Variants in VLDLR observed in about 807,000 individuals in gnomAD.
The protein encoded by VLDLR is very low-density lipoprotein receptor.
A neutral mutation model predicts 112.7 loss-of-function variants in VLDLR; 81 were observed. That is an observed-to-expected ratio of 0.72 (90% CI 0.60 to 0.86). VLDLR has a LOEUF of 0.86. Ranked by LOEUF, VLDLR falls within the 40% of genes least tolerant of loss-of-function variation. The probability of loss-of-function intolerance (pLI) is 0.00; values close to 1 mark genes in which losing one functional copy is unlikely to be tolerated. For missense variants in VLDLR, 1,237 were observed against 1,099.4 expected, an observed-to-expected ratio of 1.13 and a Z score of -1.77; for synonymous variants, 436 against 384.8, an observed-to-expected ratio of 1.13 and a Z score of -1.56.
intron 3 of VLDLR, among the ~76,000 whole-genome samples, chr9:2,640,460 C>T (rs897433464): frequency 2.0e-5 from 3 of 152,212 alleles, no homozygotes; most frequent in Admixed American, 2.0e-4. Context: ...CACATGTAAC[C>T]TCAAGTTACT....
rs185591534 is a variant in VLDLR at position 2,626,618 on chromosome 9, A to G, written c.82+4347A>G. On this transcript the variant is annotated intron_variant, in intron 1 of 18. Coordinates refer to ENST00000382100, the MANE Select transcript of VLDLR (RefSeq NM_003383.5). ...ATGCTTGCTTAGAGATCCTTTGCCT[A>G]CTTTGTAGTTTAGAGATGCTGGAAA... 5.9e-4 allele frequency among the ~76,000 whole-genome samples: 90 copies of G among 152,288 alleles called. 1 individual carries two copies. Among genetic ancestry groups the G allele is most frequent in the African/African-American group, 2.0e-3 (85 of 41,562 alleles).
At chr9:2,652,719 C>G in intron 17 of VLDLR, 61 bp from the exon 18 acceptor site, 1 of 1,599,290 alleles carries the variant, frequency 6.3e-7, no homozygotes, top group East Asian at 2.2e-5. Context: ...AACGTTATTA[C>G]CTTTCTTGTA....
rs2038541311 is a variant in VLDLR, at chr9:2,621,958, C to G, written c.-232C>G. ...CTGCCCGCAGGCTCGGCTTGCACTG[C>G]TGCTGCAGCCCGGGGAGGTGGCTGG... On this transcript the variant is annotated 5_prime_UTR_variant, in exon 1 of 19. Coordinates refer to ENST00000382100, the MANE Select transcript of VLDLR (RefSeq NM_003383.5). The G allele has an allele frequency of 4.5e-6, 3 of 662,146 alleles. No individual in the cohort carries two copies. The highest frequency in any genetic ancestry group is 2.7e-6 in the Non-Finnish European group (1 of 364,242). 41.0% of individuals were successfully genotyped at this position (662,146 alleles called of 1,614,324 possible). A position where few individuals can be genotyped will look rare whatever the true frequency, so the allele number is the denominator to read the frequency against.
chr9:2,635,618 G>A lies in VLDLR; in HGVS notation c.202+46G>A, dbSNP rs533413586. On this transcript the variant is annotated intron_variant, in intron 2 of 18. Coordinates refer to ENST00000382100, the MANE Select transcript of VLDLR (RefSeq NM_003383.5). ...CTTATGCATTTTGTTAAAATATGAT[G>A]TTATCTTAGTCTGCAAATGTATTGA... 92 of 1,612,794 alleles carry A rather than the reference G, an allele frequency of 5.7e-5. No homozygotes were observed. In the South Asian group the frequency reaches 9.3e-4, roughly 16 times the overall value.
chr9:2,643,945 C>A lies in VLDLR; in HGVS notation c.1052C>A (p.Pro351His). 1.2e-6 allele frequency: 2 copies of A among 1,613,934 alleles called. No homozygotes were observed. Among genetic ancestry groups the A allele is most frequent in the Non-Finnish European group, 1.7e-6 (2 of 1,180,008 alleles). The change falls in exon 7 of 19, where the codon CCC becomes CAC. Residue 351 changes from proline (P) to histidine (H), a missense_variant. By Grantham distance (77) the Pro-to-His change is moderately conservative. Transcript: ENST00000382100. ...EQDCRDWSDE[P>H]LKECHINECL... The stretch of plus-strand genomic sequence containing the variant: ...GACTGCAGGGACTGGAGTGATGAGC[C>A]CCTGAAAGAGTGTCGTAAGTGTACT...
chr9:2,622,761 C>T (rs1220595361), intron 1 of VLDLR, among the ~76,000 whole-genome samples: 18 of 152,222 alleles, frequency 1.2e-4, no homozygotes, highest in Admixed American at 3.9e-4. Flanking sequence ...CGCCAGGGGC[C>T]GGCCGGGCTT....
At chr9:2,645,818 T>C (rs1225866277) in intron 10 of VLDLR, 73 bp downstream of exon 10, 7 of 1,586,884 alleles carry the variant, frequency 4.4e-6, no homozygotes, top group East Asian at 2.2e-5. Context: ...TGGGATAGTT[T>C]GGAGGAGTTT....
intron 16 of VLDLR, among the ~76,000 whole-genome samples, 170 bp downstream of exon 16, chr9:2,651,668 A>C (rs1818349937): frequency 6.6e-6 from 1 of 152,196 alleles, no homozygotes; most frequent in Non-Finnish European, 1.5e-5. Context: ...ACTGATCTTA[A>C]AGGTTTCTAG....
In VLDLR at chr9:2,641,512, G is replaced by T. The variant is rs746871371; in HGVS notation, c.448+13G>T. ...GAAGAAAACTGTGGTAAGAAGATCAGTGTTGAGTGACGTAACCCAAAGACC... is the reference window on the plus strand; with the variant it reads ...GAAGAAAACTGTGGTAAGAAGATCATTGTTGAGTGACGTAACCCAAAGACC... On this transcript the variant is annotated intron_variant, in intron 4 of 18. Transcript: ENST00000382100. 11 of 1,614,080 alleles carry T rather than the reference G, an allele frequency of 6.8e-6. No homozygotes were observed. Among genetic ancestry groups the T allele is most frequent in the South Asian group, 6.6e-5 (6 of 91,066 alleles).
chr9:2,626,784 G>A (rs140302611), intron 1 of VLDLR, among the ~76,000 whole-genome samples: 6 of 143,482 alleles, frequency 4.2e-5, no homozygotes, highest in African/African-American at 5.3e-5. Context: ...AAGCCTCGGC[G>A]ATAGACAGCA....
intron 9 of VLDLR, among the ~76,000 whole-genome samples, chr9:2,645,340 A>T (rs902496804): frequency 6.6e-6 from 1 of 152,208 alleles, no homozygotes; most frequent in East Asian, 1.9e-4. Flanking sequence ...GTCCAACTCA[A>T]ACAAGTGACT....
At chr9:2,651,574 A>AT in intron 16 of VLDLR, 76 bp downstream of exon 16, 1 of 1,343,522 alleles carries the variant, frequency 7.4e-7, no homozygotes, top group Non-Finnish European at 1.1e-6. Flanking sequence ...TAAATAATTA[A>AT]TGCAGCCTTT....
At position 2,644,834 on chromosome 9, in the gene VLDLR, A is replaced by C; in HGVS notation, c.1167A>C (p.Ile389=). 1.2e-6 allele frequency: 2 copies of C among 1,614,198 alleles called. No homozygotes were observed. The highest frequency in any genetic ancestry group is 8.5e-7 in the Non-Finnish European group (1 of 1,180,036). Residue 389 remains isoleucine (I), a synonymous_variant, in exon 8 of 19, where the codon ATA becomes ATC. Transcript: ENST00000382100. ...ECDCAAGFEL[I]DRKTCGDIDE... ...ACTGTGCAGCTGGGTTTGAACTGAT[A>C]GATAGGAAAACCTGTGGAGGTGAGT...
chr9:2,656,967 A>T lies in VLDLR; in HGVS notation c.*3099A>T, dbSNP rs970946614. On this transcript the variant is annotated 3_prime_UTR_variant, in exon 19 of 19. Coordinates refer to ENST00000382100, the MANE Select transcript of VLDLR (RefSeq NM_003383.5). ...CAAAAAAAAAAAAAAAAAAAAAAAA[A>T]AAATTGAGGCTTTCACTTTGGCATT... 1 of 147,816 alleles carries T rather than the reference A, an allele frequency of 6.8e-6. No individual in the cohort carries two copies. The highest frequency in any genetic ancestry group is 2.6e-5 in the African/African-American group (1 of 38,690). The allele number at this position is 147,816 out of a possible 1,614,324, so 9.2% of individuals were successfully genotyped here. A position where few individuals can be genotyped will look rare whatever the true frequency, so the allele number is the denominator to read the frequency against.
rs1290029260 is a variant in VLDLR at position 2,657,973 on chromosome 9, A to T, written c.*4105A>T. 1 of 152,190 alleles carries T rather than the reference A, an allele frequency of 6.6e-6. No individual in the cohort carries two copies. Among genetic ancestry groups the T allele is most frequent in the Non-Finnish European group, 1.5e-5 (1 of 68,022 alleles). The allele number at this position is 152,190 out of a possible 1,614,324, so 9.4% of individuals were successfully genotyped here. Reference sequence around the variant, plus strand: ...TGCTTCAGCCATATCATGGGCCTAAACTATGAGAGTTCAGAAATATATAAA... The same window carrying T: ...TGCTTCAGCCATATCATGGGCCTAATCTATGAGAGTTCAGAAATATATAAA... On this transcript the variant is annotated 3_prime_UTR_variant, in exon 19 of 19. Coordinates refer to ENST00000382100, the MANE Select transcript of VLDLR (RefSeq NM_003383.5).
rs779630024 is a variant in VLDLR at position 2,643,712 on chromosome 9, A to T, written c.905A>T (p.Asp302Val). Residue 302 changes from aspartate to valine, a missense_variant, in exon 6 of 19, where the codon GAC becomes GTC. Transcript: ENST00000382100. The part of the protein sequence containing the change: ...HGSRQCNGIR[D>V]CVDGSDEVNC... ...AGCAGGCAGTGTAATGGTATCCGAG[A>T]CTGTGTCGATGGTTCCGATGAAGTC... is the stretch of plus-strand genomic sequence containing the variant. 1 of 1,614,178 alleles carries T rather than the reference A, an allele frequency of 6.2e-7. No individual in the cohort carries two copies. The highest frequency in any genetic ancestry group is 8.5e-7 in the Non-Finnish European group (1 of 1,180,034).
In VLDLR at chr9:2,651,483, G is replaced by A; in HGVS notation, c.2320G>A (p.Gly774Arg). Residue 774 changes from glycine to arginine, a missense_variant, in exon 16 of 19, where the codon GGA becomes AGA. By Grantham distance (125) the Gly-to-Arg change is moderately radical. Coordinates refer to ENST00000382100, the MANE Select transcript of VLDLR (RefSeq NM_003383.5). ...CACAACAGAAATTTCAGCAACTAGT[G>A]GACTAGTTCCTGGAGGTATTGAGTT... ...TNTTEISATS[G>R]LVPGGINVTT... 6.2e-7 allele frequency: 1 copy of A among 1,613,036 alleles called. No homozygotes were observed. The highest frequency in any genetic ancestry group is 8.5e-7 in the Non-Finnish European group (1 of 1,179,220).
Position 2,645,016 on chromosome 9 carries a change from G to A in VLDLR, c.1246G>A (p.Gly416Ser), listed in dbSNP as rs146889983. ...CSQICINLKG[G>S]YKCECSRGYQ... ...TCAAATTTGTATCAACTTAAAAGGCGGTTACAAGTGTGAATGTAGTCGTGG... is the reference window on the plus strand; with the variant it reads ...TCAAATTTGTATCAACTTAAAAGGCAGTTACAAGTGTGAATGTAGTCGTGG... The change falls in exon 9 of 19, where the codon GGT (glycine) becomes AGT (serine). Residue 416 changes from glycine to serine, a missense_variant. Coordinates refer to ENST00000382100, the MANE Select transcript of VLDLR (RefSeq NM_003383.5). 4.1e-5 allele frequency: 66 copies of A among 1,614,154 alleles called. 1 individual carries two copies. The South Asian group carries it at 4.9e-4, about 12-fold the overall frequency.
intron 16 of VLDLR, 39 bp downstream of exon 16, chr9:2,651,537 A>C (rs760855987): frequency 6.6e-6 from 10 of 1,519,574 alleles, no homozygotes; most frequent in African/African-American, 1.4e-5. Context: ...ATCTCAACTA[A>C]CAGCCACACT....
Sources: gnomAD v4.1 joint callset for allele counts (sites outside exome capture counted in the v4.1 genomes callset) on GRCh38, gnomAD v4.1.1 for gene constraint, MANE v1.5 for transcripts, NCBI Gene and HGNC (gene_info 2026-07-23, HGNC 2026-07-21) for gene names.